Variants in KIAA0753 observed in about 807,000 individuals in gnomAD.
KIAA0753 encodes KIAA0753.
In KIAA0753, 114 loss-of-function variants were observed where a neutral mutation model predicts 116.9. The observed-to-expected ratio is 0.98, with a 90% CI of 0.84 to 1.14. The LOEUF (loss-of-function observed/expected upper bound fraction) is 1.14, where lower values mean the gene tolerates loss of function less well. Among genes scored for constraint, KIAA0753 ranks in the 50% most tolerant of loss-of-function variants. The pLI, the probability that KIAA0753 is intolerant of heterozygous loss-of-function variation, is 0.00. For missense variants in KIAA0753, 1,156 were observed against 1,172.4 expected (o/e 0.99, Z 0.20); for synonymous variants, 405 against 413.1 (o/e 0.98, Z 0.24).
chr17:6,613,714 T>A (rs75869240), intron 7 of KIAA0753, among the ~76,000 whole-genome samples: 2 of 152,190 alleles, frequency 1.3e-5, no homozygotes, highest in Admixed American at 6.5e-5. Context: ...TTGCCTCACA[T>A]TGAACACTTA....
At chr17:6,634,656 A>AT (rs1238406198) in intron 2 of KIAA0753, 1 of 176,696 alleles carries the variant, frequency 5.7e-6, no homozygotes, top group African/African-American at 2.4e-5. Flanking sequence ...GGGAAAAGAC[A>AT]TTTTTGAGAC....
intron 18 of KIAA0753, among the ~76,000 whole-genome samples, chr17:6,588,040 A>C (rs1435318392): frequency 6.6e-6 from 1 of 152,138 alleles, no homozygotes; most frequent in Non-Finnish European, 1.5e-5. Context: ...GAGTGCTGAG[A>C]ATCATGAAGG....
At position 6,589,867 on chromosome 17, in the gene KIAA0753, C is replaced by T. The variant is rs1163181160; in HGVS notation, c.2698G>A (p.Gly900Ser). ...TGCTCAAAACGACTACAGTAGTCAC[C>T]GATGCTGTGCTGCATACCCGGTGGG... ...FVPPGMQHSI[G>S]DYCSRFEQYL... Residue 900 changes from glycine to serine, a missense_variant, in exon 18 of 19, where the codon GGT (glycine) becomes AGT (serine). Transcript: ENST00000361413. 17 of 1,614,004 alleles carry T rather than the reference C, an allele frequency of 1.1e-5. No individual in the cohort carries two copies. Among genetic ancestry groups the T allele is most frequent in the African/African-American group, 4.0e-5 (3 of 75,034 alleles).
chr17:6,633,596 G>C (rs1972133034), intron 2 of KIAA0753, among the ~76,000 whole-genome samples: 1 of 152,022 alleles, frequency 6.6e-6, no homozygotes. Flanking sequence ...AATGTTCATA[G>C]CAGCTTTATT....
intron 3 of KIAA0753, among the ~76,000 whole-genome samples, chr17:6,626,624 G>C (rs1971684474): frequency 6.6e-6 from 1 of 151,926 alleles, no homozygotes; most frequent in African/African-American, 2.4e-5. Context: ...GGGCCTTCGG[G>C]GCTACTTCAA....
chr17:6,601,068 G>C (rs988095916), intron 12 of KIAA0753: 2 of 152,634 alleles, frequency 1.3e-5, no homozygotes, highest in African/African-American at 4.8e-5. Context: ...TTGACTTCTA[G>C]GGCCAGCAGT....
At chr17:6,627,297 T>C (rs531740873) in intron 3 of KIAA0753, among the ~76,000 whole-genome samples, 1 of 152,364 alleles carries the variant, frequency 6.6e-6, no homozygotes, top group African/African-American at 2.4e-5. Flanking sequence ...ATTTTTGTTT[T>C]ATCTTATTCA....
At chr17:6,595,994 G>A (rs907453895) in intron 15 of KIAA0753, among the ~76,000 whole-genome samples, 164 bp downstream of exon 15, 3 of 152,136 alleles carry the variant, frequency 2.0e-5, no homozygotes, top group African/African-American at 7.2e-5. Context: ...CTTATCAGAG[G>A]GGTTGACGAT....
At chr17:6,596,118 GC>G in intron 15 of KIAA0753, 39 bp downstream of exon 15, 4 of 1,590,572 alleles carry the variant, frequency 2.5e-6, no homozygotes, top group Non-Finnish European at 3.4e-6. Context: ...GCAGAGGCCA[GC>G]CCCTAGCAGC....
intron 18 of KIAA0753, among the ~76,000 whole-genome samples, chr17:6,585,987 T>G (rs1396985352): frequency 6.6e-6 from 1 of 152,208 alleles, no homozygotes; most frequent in Non-Finnish European, 1.5e-5. Flanking sequence ...TGATGAACTG[T>G]AATCCCCACT....
At chr17:6,580,009 C>T (rs1968026917) in intron 18 of KIAA0753, 145 bp from the exon 19 acceptor site, 2 of 583,474 alleles carry the variant, frequency 3.4e-6, no homozygotes, top group African/African-American at 3.8e-5. Context: ...ATGGTGAAAC[C>T]CGGTCTCTAC....
chr17:6,581,533 C>T (rs1463724834), intron 18 of KIAA0753, among the ~76,000 whole-genome samples: 1 of 152,200 alleles, frequency 6.6e-6, no homozygotes, highest in African/African-American at 2.4e-5. Context: ...TACTTTGAGA[C>T]TATGTAAACT....
At chr17:6,633,029 G>T (rs1972101060) in intron 2 of KIAA0753, among the ~76,000 whole-genome samples, 1 of 152,006 alleles carries the variant, frequency 6.6e-6, no homozygotes, top group African/African-American at 2.4e-5. Context: ...TTACATGATG[G>T]TATCGATTTA....
At chr17:6,581,068 CCTAT>C (rs1159143743) in intron 18 of KIAA0753, among the ~76,000 whole-genome samples, 1 of 152,128 alleles carries the variant, frequency 6.6e-6, no homozygotes, top group East Asian at 1.9e-4. Flanking sequence ...ATTCTACAGG[CCTAT>C]CTATCTACAG....
rs748326391 is a variant in KIAA0753, at chr17:6,628,533, A to G, written c.302T>C (p.Val101Ala). The G allele has an allele frequency of 1.2e-6, 2 of 1,614,196 alleles. No individual in the cohort carries two copies. The highest frequency in any genetic ancestry group is 1.7e-6 in the Non-Finnish European group (2 of 1,180,026). The change falls in exon 3 of 19, where the codon GTC becomes GCC. Residue 101 changes from valine (V) to alanine (A), a missense_variant. Physicochemically the swap from Val to Ala is moderately conservative, Grantham distance 64. Coordinates refer to ENST00000361413, the MANE Select transcript of KIAA0753 (RefSeq NM_014804.3). The stretch of plus-strand genomic sequence containing the variant: ...TTTCACATCTCTTCTGGCTAGGTGG[A>G]CAGCATAGCTAAGTCTCTCTTGGGA... ...VISQERLSYA[V>A]HLARRDVKRR...
At chr17:6,594,754 A>G (rs1287271102) in intron 16 of KIAA0753, among the ~76,000 whole-genome samples, 1 of 152,246 alleles carries the variant, frequency 6.6e-6, no homozygotes, top group Non-Finnish European at 1.5e-5. Flanking sequence ...ATTTAGGGGT[A>G]AAGTGTGCTG....
In KIAA0753 at chr17:6,605,941, C is replaced by T. The variant is rs185609681; in HGVS notation, c.2009+932G>A. ...AGAGGATGAAGCTTTTGCTATATGG[C>T]CCAAAGGACAAGTGGGTAAGAGTCA... On this transcript the variant is annotated intron_variant, in intron 12 of 18. Transcript: ENST00000361413. 2.4e-4 allele frequency among the ~76,000 whole-genome samples: 37 copies of T among 152,202 alleles called. 1 individual carries two copies. Among genetic ancestry groups the T allele is most frequent in the African/African-American group, 8.4e-4 (35 of 41,516 alleles).
intron 18 of KIAA0753, among the ~76,000 whole-genome samples, chr17:6,586,558 T>C (rs534225213): frequency 2.6e-4 from 40 of 152,370 alleles, no homozygotes; most frequent in African/African-American, 9.1e-4. Flanking sequence ...TCATGTGTTT[T>C]ATTCATTCTT....
At position 6,589,868 on chromosome 17, in the gene KIAA0753, G is replaced by A. The variant is rs778539860; in HGVS notation, c.2697C>T (p.Ile899=). The A allele has an allele frequency of 1.7e-5, 28 of 1,613,870 alleles. No homozygotes were observed. The highest frequency in any genetic ancestry group is 3.3e-5 in the South Asian group (3 of 91,054). The change falls in exon 18 of 19, where the codon ATC becomes ATT. Residue 899 remains isoleucine (I), a synonymous_variant. Coordinates refer to ENST00000361413, the MANE Select transcript of KIAA0753 (RefSeq NM_014804.3). The part of the protein sequence containing the change: ...LFVPPGMQHS[I]GDYCSRFEQY... ...GCTCAAAACGACTACAGTAGTCACC[G>A]ATGCTGTGCTGCATACCCGGTGGGA...
Sources: allele counts gnomAD v4.1 joint callset (sites outside exome capture counted in the v4.1 genomes callset), GRCh38; gene constraint gnomAD v4.1.1; transcripts MANE v1.5; gene names NCBI Gene and HGNC (gene_info 2026-07-23, HGNC 2026-07-21).